The following WDR47 variants were observed in gnomAD, a reference collection of about 807,000 sequenced individuals.
WDR47 encodes the protein WD repeat-containing protein 47.
A neutral mutation model predicts 97.2 loss-of-function variants in WDR47; 32 were observed. The observed-to-expected ratio is 0.33, with a 90% CI of 0.25 to 0.44. WDR47 has a LOEUF of 0.44. Among genes scored for constraint, WDR47 ranks in the 20% least tolerant of loss-of-function variants. The pLI, the probability that WDR47 is intolerant of heterozygous loss-of-function variation, is 1.00. For synonymous variants in WDR47, 375 were observed against 373.5 expected (o/e 1.00, Z -0.05); for missense variants, 782 against 1,102.3 (o/e 0.71, Z 4.11).
In WDR47 at chr1:109,011,077, TC is replaced by T; in HGVS notation, c.968del (p.Gly323AspfsTer2). 1.2e-6 allele frequency: 2 copies of T among 1,614,082 alleles called. No individual in the cohort carries two copies. The highest frequency in any genetic ancestry group is 1.7e-6 in the Non-Finnish European group (2 of 1,180,012). ...AAATTCTCTTATCATGACTGGTTAG[TC>T]CACAGGTGAGGCCATCTAAAGCAGG... Reference protein sequence around the residue: ...LNPALDGLTCGLTSHDKRISD... With the variant: ...LNPALDGLTCXLTSHDKRISD... On this transcript the variant is annotated frameshift_variant, in exon 5 of 15. Transcript: ENST00000369962. LOFTEE classifies it high-confidence loss of function.
At chr1:109,023,669 G>A (rs1662006766) in intron 1 of WDR47, 148 bp from the exon 2 acceptor site, 2 of 757,680 alleles carry the variant, frequency 2.6e-6, no homozygotes, top group Non-Finnish European at 3.9e-6. Context: ...TCAAAACCAA[G>A]TCGTTCTTTA....
At chr1:108,974,287 C>T (rs1383294324) in intron 14 of WDR47, among the ~76,000 whole-genome samples, 2 of 151,780 alleles carry the variant, frequency 1.3e-5, no homozygotes, top group Non-Finnish European at 2.9e-5. Context: ...CCCAGGAGTT[C>T]GAGACCAGCC....
Position 109,007,112 on chromosome 1 carries a change from G to A in WDR47, c.1131-2397C>T, listed in dbSNP as rs957486164. Reference sequence around the variant, plus strand: ...GCCACCATGCTTGGCTAATATTTTTGTATTTTTCTGTAGAGACAAGTTTTC... The same window carrying A: ...GCCACCATGCTTGGCTAATATTTTTATATTTTTCTGTAGAGACAAGTTTTC... On this transcript the variant is annotated intron_variant, in intron 5 of 14. Coordinates refer to ENST00000369962, the MANE Select transcript of WDR47 (RefSeq NM_001142551.2). Among the ~76,000 whole-genome samples, 15 of 146,406 alleles carry A rather than the reference G, an allele frequency of 1.0e-4. 1 individual carries two copies. Among genetic ancestry groups the A allele is most frequent in the Admixed American group, 4.9e-4 (7 of 14,424 alleles).
intron 1 of WDR47, among the ~76,000 whole-genome samples, chr1:109,037,468 T>C (rs930287567): frequency 1.3e-5 from 2 of 149,820 alleles, no homozygotes; most frequent in Non-Finnish European, 3.0e-5. Context: ...CTACTAAAAA[T>C]ATAAAAAATT....
intron 5 of WDR47, among the ~76,000 whole-genome samples, chr1:109,008,419 A>G (rs1191612638): frequency 1.3e-5 from 2 of 151,346 alleles, no homozygotes; most frequent in East Asian, 2.0e-4. Context: ...ATAGGCATGC[A>G]CCAGCTAATT....
chr1:108,977,309 G>A (rs965518025), intron 13 of WDR47, among the ~76,000 whole-genome samples: 16 of 151,998 alleles, frequency 1.1e-4, no homozygotes, highest in Admixed American at 9.8e-4. Flanking sequence ...CCACCACCAC[G>A]CCTAGCTAAT....
At chr1:109,018,609 G>A (rs1488752353) in intron 2 of WDR47, among the ~76,000 whole-genome samples, 1 of 152,076 alleles carries the variant, frequency 6.6e-6, no homozygotes, top group East Asian at 1.9e-4. Flanking sequence ...GAGCTCAGGA[G>A]TTCGAAACCA....
At chr1:109,018,697 C>T (rs1041858379) in intron 2 of WDR47, among the ~76,000 whole-genome samples, 7 of 151,808 alleles carry the variant, frequency 4.6e-5, no homozygotes, top group Non-Finnish European at 1.0e-4. Flanking sequence ...TGCCTGTGGT[C>T]CCAGCTACTC....
At chr1:108,994,076 G>T (rs575654970) in intron 8 of WDR47, among the ~76,000 whole-genome samples, 1 of 152,272 alleles carries the variant, frequency 6.6e-6, no homozygotes, top group African/African-American at 2.4e-5. Context: ...TGTATGAGGA[G>T]TATGGTAGAG....
chr1:108,996,795 A>C (rs909426231), intron 7 of WDR47, among the ~76,000 whole-genome samples: 11 of 152,204 alleles, frequency 7.2e-5, no homozygotes, highest in African/African-American at 2.7e-4. Flanking sequence ...CAAAGGGCAC[A>C]AACAGGAAGC....
intron 3 of WDR47, among the ~76,000 whole-genome samples, chr1:109,016,690 T>A (rs531103939): frequency 6.6e-6 from 1 of 152,062 alleles, no homozygotes; most frequent in Admixed American, 6.6e-5. Flanking sequence ...ACTGCCTGTA[T>A]GAAAATCAAA....
At chr1:109,040,596 A>C (rs1663285891) in intron 1 of WDR47, among the ~76,000 whole-genome samples, 1 of 152,100 alleles carries the variant, frequency 6.6e-6, no homozygotes, top group South Asian at 2.1e-4. Context: ...CTAACAATAT[A>C]CTGTTGTGAC....
chr1:108,982,799 T>TAAA lies in WDR47; in HGVS notation c.2096-23_2096-21dup. On this transcript the variant is annotated intron_variant, in intron 11 of 14. Transcript: ENST00000369962. Reference sequence around the variant, plus strand: ...CTGGTCCTGAAACAGTAGTAAGAATTAAAAAAAAAAAATGCTGCTCAACTT... The same window carrying TAAA: ...CTGGTCCTGAAACAGTAGTAAGAATTAAAAAAAAAAAAAAATGCTGCTCAACTT... The TAAA allele has an allele frequency of 8.1e-7, 1 of 1,229,458 alleles. No individual in the cohort carries two copies. Among genetic ancestry groups the TAAA allele is most frequent in the Admixed American group, 2.5e-5 (1 of 40,582 alleles). 76.2% of individuals were successfully genotyped at this position (1,229,458 alleles called of 1,614,324 possible).
At chr1:108,975,738 T>TA (rs1209331073) in intron 13 of WDR47, among the ~76,000 whole-genome samples, 2 of 151,002 alleles carry the variant, frequency 1.3e-5, no homozygotes, top group African/African-American at 2.4e-5. Context: ...GAAGACTTCA[T>TA]AAAAAAATGG....
chr1:109,005,036 C>T (rs1557939531), intron 5 of WDR47, among the ~76,000 whole-genome samples: 1 of 152,104 alleles, frequency 6.6e-6, no homozygotes, highest in Non-Finnish European at 1.5e-5. Flanking sequence ...AAGCGATCCA[C>T]ACTCCCCAGT....
rs780323553 is a variant in WDR47 at position 109,011,295 on chromosome 1, G to A, written c.751C>T (p.Leu251Phe). 6.2e-7 allele frequency: 1 copy of A among 1,614,158 alleles called. No homozygotes were observed. Among genetic ancestry groups the A allele is most frequent in the Admixed American group, 1.7e-5 (1 of 60,008 alleles). The change falls in exon 5 of 15, where the codon CTT becomes TTT. Residue 251 changes from leucine (L) to phenylalanine (F), a missense_variant. Coordinates refer to ENST00000369962, the MANE Select transcript of WDR47 (RefSeq NM_001142551.2). Reference sequence around the variant, plus strand: ...GCACAAGAGAAGACAGAAGATGGAAGATTCTGAAGCCATGACAGTAAACTC... The same window carrying A: ...GCACAAGAGAAGACAGAAGATGGAAAATTCTGAAGCCATGACAGTAAACTC... ...DLSLLSWLQN[L>F]PSSVFSCAFE...
intron 10 of WDR47, among the ~76,000 whole-genome samples, chr1:108,984,353 T>C (rs1309380151): frequency 6.6e-6 from 1 of 152,180 alleles, no homozygotes; most frequent in African/African-American, 2.4e-5. Flanking sequence ...AAAATGTACA[T>C]GTTTCTGGAG....
chr1:109,025,680 G>A (rs1662164207), intron 1 of WDR47, among the ~76,000 whole-genome samples: 1 of 151,960 alleles, frequency 6.6e-6, no homozygotes, highest in African/African-American at 2.4e-5. Context: ...GTTGCAGTGA[G>A]CCAAGATTGT....
intron 7 of WDR47, among the ~76,000 whole-genome samples, chr1:109,001,182 G>A (rs1008172380): frequency 4.4e-4 from 67 of 152,052 alleles, no homozygotes; most frequent in African/African-American, 1.5e-3. Context: ...CCAGCTACTC[G>A]GGAAGCTGAG....
Sources: allele counts gnomAD v4.1 joint callset (sites outside exome capture counted in the v4.1 genomes callset), GRCh38; gene constraint gnomAD v4.1.1; transcripts MANE v1.5; gene names NCBI Gene and HGNC (gene_info 2026-07-23, HGNC 2026-07-21).